The following SGCD variants were observed in gnomAD, a reference collection of about 807,000 sequenced individuals.
The protein encoded by SGCD is sarcoglycan delta, also known as delta-sarcoglycan.
A neutral mutation model predicts 36.6 loss-of-function variants in SGCD; 18 were observed. That is an observed-to-expected ratio of 0.49 (90% CI 0.34 to 0.73). The LOEUF (loss-of-function observed/expected upper bound fraction) is 0.73. SGCD is among the 30% of genes least tolerant of loss of function. The probability of loss-of-function intolerance (pLI) is 0.01; values close to 1 mark genes in which losing one functional copy is unlikely to be tolerated. For missense variants in SGCD, 387 were observed against 346.7 expected, an observed-to-expected ratio of 1.12 and a Z score of -0.92; for synonymous variants, 133 against 130.6, an observed-to-expected ratio of 1.02 and a Z score of -0.12.
chr5:156,255,683 T>G (rs1346804967), intron 3 of SGCD, among the ~76,000 whole-genome samples: 1 of 152,180 alleles, frequency 6.6e-6, no homozygotes, highest in Non-Finnish European at 1.5e-5. Flanking sequence ...TTGAAAGTTC[T>G]ATTTTTTGTG....
At chr5:156,607,572 G>A (rs1761532960) in intron 6 of SGCD, among the ~76,000 whole-genome samples, 1 of 152,214 alleles carries the variant, frequency 6.6e-6, no homozygotes, top group Non-Finnish European at 1.5e-5. Context: ...AAATGAGTTA[G>A]GGAGGATTCC....
chr5:156,756,955 CA>C (rs1261892302), intron 7 of SGCD, among the ~76,000 whole-genome samples: 1 of 152,054 alleles, frequency 6.6e-6, no homozygotes, highest in African/African-American at 2.4e-5. Context: ...ATAGTAACAG[CA>C]GTAATAGTAA....
the SGCD span, among the ~76,000 whole-genome samples, chr5:155,786,040 A>G: frequency 4.6e-5 from 7 of 152,196 alleles, no homozygotes; most frequent in African/African-American, 7.2e-5. Flanking sequence ...TGTTTGGAAT[A>G]TGTGATCATA....
At chr5:156,413,309 G>C (rs760905815) in intron 3 of SGCD, among the ~76,000 whole-genome samples, 5 of 152,178 alleles carry the variant, frequency 3.3e-5, no homozygotes, top group Non-Finnish European at 1.5e-5. Flanking sequence ...TGAGATGCAC[G>C]AGATGAGAAG....
At position 156,762,774 on chromosome 5, in the gene SGCD, T is replaced by A. The variant is rs1324229771; in HGVS notation, c.*3384T>A. 3.9e-5 allele frequency: 6 copies of A among 152,394 alleles called. No homozygotes were observed. Among genetic ancestry groups the A allele is most frequent in the African/African-American group, 1.4e-4 (6 of 41,456 alleles). The allele number at this position is 152,394 out of a possible 1,614,324, so 9.4% of individuals were successfully genotyped here. On this transcript the variant is annotated 3_prime_UTR_variant, in exon 9 of 9. Coordinates refer to ENST00000337851, the MANE Select transcript of SGCD (RefSeq NM_000337.6). ...ACTATGTATCCCACAAAGCATAGATTACTTACTATTTAGTCCTTTACAGGC... is the reference window on the plus strand; with the variant it reads ...ACTATGTATCCCACAAAGCATAGATAACTTACTATTTAGTCCTTTACAGGC...
chr5:156,366,988 G>A (rs1770141681), intron 3 of SGCD, among the ~76,000 whole-genome samples: 3 of 152,178 alleles, frequency 2.0e-5, no homozygotes, highest in Admixed American at 2.0e-4. Context: ...TATTTTAAGT[G>A]TCACAAAACA....
intron 1 of SGCD, among the ~76,000 whole-genome samples, chr5:156,039,755 T>C (rs1759590161): frequency 1.3e-5 from 2 of 152,164 alleles, no homozygotes; most frequent in Non-Finnish European, 2.9e-5. Flanking sequence ...AGTAGTTTCC[T>C]TTTTCTGTTT....
chr5:156,347,949 G>T (rs1230691171), intron 3 of SGCD, among the ~76,000 whole-genome samples: 1 of 152,086 alleles, frequency 6.6e-6, no homozygotes, highest in African/African-American at 2.4e-5. Flanking sequence ...TAAGAATAAT[G>T]CTGTTATTAG....
the SGCD span, among the ~76,000 whole-genome samples, chr5:155,836,479 C>G: frequency 6.6e-6 from 1 of 150,528 alleles, no homozygotes; most frequent in East Asian, 2.0e-4. Flanking sequence ...CACCCCCGCC[C>G]CGCACTCAAT....
rs1757466657 is a variant in SGCD, at chr5:156,759,787, C to T, written c.*397C>T. On this transcript the variant is annotated 3_prime_UTR_variant, in exon 9 of 9. Transcript: ENST00000337851. ...AATCTTCATCTAGATATTCGAGTAG[C>T]AGCATATCTTCTCTTTTAGTGTCAT... 6.6e-6 allele frequency: 1 copy of T among 152,106 alleles called. No homozygotes were observed. The highest frequency in any genetic ancestry group is 2.4e-5 in the African/African-American group (1 of 41,412). 9.4% of individuals were successfully genotyped at this position (152,106 alleles called of 1,614,324 possible).
At chr5:156,605,726 T>C (rs1761411703) in intron 6 of SGCD, among the ~76,000 whole-genome samples, 1 of 152,234 alleles carries the variant, frequency 6.6e-6, no homozygotes, top group African/African-American at 2.4e-5. Flanking sequence ...TCCTGACTTT[T>C]TAATGACCAC....
At chr5:156,533,558 AACTT>A (rs1274291737) in intron 4 of SGCD, among the ~76,000 whole-genome samples, 1 of 152,198 alleles carries the variant, frequency 6.6e-6, no homozygotes, top group Non-Finnish European at 1.5e-5. Flanking sequence ...AGATTATAAA[AACTT>A]ACACAAATTC....
At chr5:156,069,084 T>G in intron 1 of SGCD, among the ~76,000 whole-genome samples, 1 of 152,160 alleles carries the variant, frequency 6.6e-6, no homozygotes, top group Non-Finnish European at 1.5e-5. Flanking sequence ...GCCTGTTCAC[T>G]CTGATGGTAG....
intron 4 of SGCD, among the ~76,000 whole-genome samples, chr5:156,540,152 A>G (rs1169929031): frequency 6.6e-6 from 1 of 152,174 alleles, no homozygotes; most frequent in Non-Finnish European, 1.5e-5. Flanking sequence ...CCTTGACTCT[A>G]AAGTCTGTAT....
intron 2 of SGCD, among the ~76,000 whole-genome samples, chr5:156,331,466 A>T (rs1313595770): frequency 6.6e-6 from 1 of 152,156 alleles, no homozygotes; most frequent in Non-Finnish European, 1.5e-5. Context: ...GTGTAGGAGG[A>T]TATGGATGCA....
chr5:156,711,076 A>G (rs1202524005), intron 7 of SGCD, among the ~76,000 whole-genome samples: 2 of 152,172 alleles, frequency 1.3e-5, no homozygotes, highest in African/African-American at 4.8e-5. Flanking sequence ...TTTTAATGTT[A>G]ATACTGGTCA....
chr5:155,840,502 G>A, the SGCD span, among the ~76,000 whole-genome samples: 1 of 150,268 alleles, frequency 6.7e-6, no homozygotes, highest in African/African-American at 2.4e-5. Context: ...TGTTAGCCAG[G>A]ATGGTCTTGA....
chr5:155,803,608 A>G, the SGCD span, among the ~76,000 whole-genome samples: 2 of 152,230 alleles, frequency 1.3e-5, no homozygotes, highest in Non-Finnish European at 2.9e-5. Context: ...GGTAGAGCTG[A>G]GAGCAAGCAG....
At chr5:156,367,719 C>G (rs111821334) in intron 3 of SGCD, among the ~76,000 whole-genome samples, 411 of 152,312 alleles carry the variant, frequency 2.7e-3, no homozygotes, top group African/African-American at 9.4e-3. Flanking sequence ...TAACCACAGC[C>G]AGACGGGGAG....
Sources: allele counts gnomAD v4.1 joint callset (sites outside exome capture counted in the v4.1 genomes callset), GRCh38; gene constraint gnomAD v4.1.1; transcripts MANE v1.5; gene names NCBI Gene and HGNC (gene_info 2026-07-23, HGNC 2026-07-21).